The following DCC variants were observed in gnomAD, a reference collection of about 807,000 sequenced individuals.
The protein encoded by DCC is netrin receptor DCC.
Under a neutral mutation model 172.5 loss-of-function variants are expected in DCC, and 58 were observed. The ratio of observed to expected loss-of-function variants is 0.34; its 90% CI spans 0.27 to 0.42. The LOEUF is 0.42. Ranked by LOEUF, DCC falls within the 10% of genes least tolerant of loss-of-function variation. The pLI, the probability that DCC is intolerant of heterozygous loss-of-function variation, is 1.00. For missense variants in DCC, 1,740 were observed against 1,791.0 expected (o/e 0.97, Z 0.51); for synonymous variants, 709 against 644.5 (o/e 1.10, Z -1.52).
At chr18:52,375,787 A>G (rs1202980192) in intron 1 of DCC, among the ~76,000 whole-genome samples, 1 of 152,208 alleles carries the variant, frequency 6.6e-6, no homozygotes, top group African/African-American at 2.4e-5. Context: ...GTTGTGAGGC[A>G]GTAGAAGAGA....
At chr18:53,180,050 A>G (rs1048166562) in intron 9 of DCC, among the ~76,000 whole-genome samples, 2 of 152,148 alleles carry the variant, frequency 1.3e-5, no homozygotes, top group African/African-American at 4.8e-5. Context: ...CACCTCTTGT[A>G]TTTTGGGAAT....
At chr18:53,369,208 C>G (rs1420136935) in intron 15 of DCC, among the ~76,000 whole-genome samples, 1 of 151,748 alleles carries the variant, frequency 6.6e-6, no homozygotes, top group Admixed American at 6.6e-5. Flanking sequence ...AAATTGAATG[C>G]TTTTTGTAAT....
chr18:53,377,125 G>C (rs570734853), intron 15 of DCC, among the ~76,000 whole-genome samples: 1 of 152,248 alleles, frequency 6.6e-6, no homozygotes, highest in East Asian at 1.9e-4. Flanking sequence ...ATAACACAGA[G>C]GATACAAGGC....
intron 1 of DCC, among the ~76,000 whole-genome samples, chr18:52,400,949 G>A (rs191082027): frequency 6.6e-6 from 1 of 151,922 alleles, no homozygotes; most frequent in African/African-American, 2.4e-5. Context: ...GTTGAGGGGT[G>A]GGGGACTAGG....
At chr18:52,738,527 A>G (rs983242766) in intron 1 of DCC, among the ~76,000 whole-genome samples, 1 of 152,174 alleles carries the variant, frequency 6.6e-6, no homozygotes, top group Non-Finnish European at 1.5e-5. Flanking sequence ...CTTACCATGA[A>G]TGGAGCTTGC....
At chr18:53,396,198 G>T (rs916474108) in intron 17 of DCC, among the ~76,000 whole-genome samples, 2 of 151,790 alleles carry the variant, frequency 1.3e-5, no homozygotes, top group African/African-American at 4.8e-5. Context: ...AATTATTTTA[G>T]ACATAAATAG....
At chr18:52,847,497 G>T (rs933507559) in intron 2 of DCC, among the ~76,000 whole-genome samples, 8 of 152,122 alleles carry the variant, frequency 5.3e-5, no homozygotes, top group African/African-American at 1.7e-4. Context: ...GCATAATAAT[G>T]ATGCATTAAG....
chr18:53,421,873 C>G (rs979939756), intron 21 of DCC, among the ~76,000 whole-genome samples: 1 of 152,138 alleles, frequency 6.6e-6, no homozygotes, highest in African/African-American at 2.4e-5. Flanking sequence ...ATGGCTTTTC[C>G]ACTATGTGTC....
intron 1 of DCC, among the ~76,000 whole-genome samples, chr18:52,618,576 A>G (rs2034425216): frequency 6.6e-6 from 1 of 152,052 alleles, no homozygotes; most frequent in Non-Finnish European, 1.5e-5. Context: ...ACCAAACACC[A>G]TTTCCTCCAA....
chr18:52,657,725 T>C (rs550372500), intron 1 of DCC, among the ~76,000 whole-genome samples: 26 of 152,318 alleles, frequency 1.7e-4, no homozygotes, highest in African/African-American at 6.0e-4. Flanking sequence ...TATATGTCTA[T>C]ACACCTATTT....
At chr18:52,619,589 C>T (rs1028664171) in intron 1 of DCC, among the ~76,000 whole-genome samples, 3 of 152,088 alleles carry the variant, frequency 2.0e-5, no homozygotes, top group Non-Finnish European at 2.9e-5. Flanking sequence ...GTTATAAATC[C>T]AACTAATTGT....
chr18:53,019,569 G>A (rs2041851885), intron 5 of DCC, among the ~76,000 whole-genome samples: 1 of 151,934 alleles, frequency 6.6e-6, no homozygotes, highest in South Asian at 2.1e-4. Context: ...TTATCCTTAA[G>A]CCTTCCCACT....
At chr18:52,724,437 T>C (rs971300152) in intron 1 of DCC, among the ~76,000 whole-genome samples, 1 of 152,154 alleles carries the variant, frequency 6.6e-6, no homozygotes, top group African/African-American at 2.4e-5. Context: ...GTGTGAGTCA[T>C]TGTGCCCAGC....
intron 12 of DCC, among the ~76,000 whole-genome samples, chr18:53,271,327 A>G (rs1476387286): frequency 6.6e-6 from 1 of 152,178 alleles, no homozygotes; most frequent in Non-Finnish European, 1.5e-5. Flanking sequence ...ATTATTGCAT[A>G]AAAAATTACC....
At chr18:52,715,679 C>T (rs559535036) in intron 1 of DCC, among the ~76,000 whole-genome samples, 118 of 152,148 alleles carry the variant, frequency 7.8e-4, no homozygotes, top group African/African-American at 2.5e-3. Flanking sequence ...CCAACTAAAA[C>T]GGCACTCCTA....
intron 5 of DCC, among the ~76,000 whole-genome samples, chr18:53,000,851 T>A (rs1188022828): frequency 6.6e-6 from 1 of 152,008 alleles, no homozygotes; most frequent in East Asian, 1.9e-4. Context: ...TATACTTGAA[T>A]GCATTATATT....
At position 53,349,023 on chromosome 18, in the gene DCC, G is replaced by T. The variant is rs75624027; in HGVS notation, c.2359+9116G>T. Among the ~76,000 whole-genome samples, 1,282 of 152,264 alleles carry T rather than the reference G, an allele frequency of 8.4e-3. 16 individuals carry two copies. The highest frequency in any genetic ancestry group is 0.011 in the Admixed American group (168 of 15,296). ...TGCAGCTGGTTTGAATTTCTCCTCAGAAAAATCGGATTTTCTTTGCTATCA... is the reference window on the plus strand; with the variant it reads ...TGCAGCTGGTTTGAATTTCTCCTCATAAAAATCGGATTTTCTTTGCTATCA... On this transcript the variant is annotated intron_variant, in intron 15 of 28. Coordinates refer to ENST00000442544, the MANE Select transcript of DCC (RefSeq NM_005215.4).
At chr18:52,973,617 CAG>C (rs1284302881) in intron 5 of DCC, among the ~76,000 whole-genome samples, 1 of 152,106 alleles carries the variant, frequency 6.6e-6, no homozygotes, top group Non-Finnish European at 1.5e-5. Context: ...CATGCATTCA[CAG>C]AGAGACAGAT....
chr18:52,584,707 T>A (rs1196805600), intron 1 of DCC, among the ~76,000 whole-genome samples: 4 of 122,060 alleles, frequency 3.3e-5, no homozygotes, highest in African/African-American at 1.3e-4. Flanking sequence ...GCCCAGATAA[T>A]TTTTTTTTTT....
Sources: allele counts gnomAD v4.1 joint callset (sites outside exome capture counted in the v4.1 genomes callset), GRCh38; gene constraint gnomAD v4.1.1; transcripts MANE v1.5; gene names NCBI Gene and HGNC (gene_info 2026-07-23, HGNC 2026-07-21).